The following SLC7A10 variants were observed in gnomAD, a reference collection of about 807,000 sequenced individuals.
The protein encoded by SLC7A10 is solute carrier family 7 member 10.
SLC7A10 carries 30 observed loss-of-function variants against 52.7 expected under a neutral mutation model. The observed-to-expected ratio is 0.57, with a 90% CI of 0.43 to 0.77. SLC7A10 has a LOEUF of 0.77. Among genes scored for constraint, SLC7A10 ranks in the 30% least tolerant of loss-of-function variants. The pLI, the probability that SLC7A10 is intolerant of heterozygous loss-of-function variation, is 0.00. For synonymous variants in SLC7A10, 318 were observed against 314.9 expected (o/e 1.01, Z -0.10); for missense variants, 581 against 698.5 (o/e 0.83, Z 1.90).
chr19:33,209,442 A>G lies in SLC7A10; in HGVS notation c.1307T>C (p.Phe436Ser), dbSNP rs1008287961. Residue 436 changes from phenylalanine to serine, a missense_variant, in exon 10 of 11, where the codon TTC becomes TCC. Physicochemically the swap from Phe to Ser is radical, Grantham distance 155 (BLOSUM62 -2). Transcript: ENST00000253188. ...IPVAYLVFWAFLLVFSFISEP... is the reference protein window; with the variant it reads ...IPVAYLVFWASLLVFSFISEP... The stretch of plus-strand genomic sequence containing the variant: ...TGAGATGAAGCTGAAGACCAGCAGG[A>G]AGGCCCAGAAGACCAAGTACGCCAC... 1.2e-6 allele frequency: 2 copies of G among 1,613,900 alleles called. No individual in the cohort carries two copies. Among genetic ancestry groups the G allele is most frequent in the Non-Finnish European group, 1.7e-6 (2 of 1,180,012 alleles).
At chr19:33,222,560 C>G (rs1051712456) in intron 1 of SLC7A10, among the ~76,000 whole-genome samples, 1 of 152,076 alleles carries the variant, frequency 6.6e-6, no homozygotes, top group African/African-American at 2.4e-5. Context: ...CCCCTTGGAG[C>G]AGTATCATTT....
rs1023424737 is a variant in SLC7A10 at position 33,217,344 on chromosome 19, G to C, written c.152-1371C>G. On this transcript the variant is annotated intron_variant, in intron 1 of 10. Transcript: ENST00000253188. ...TTTCTGACATGATGGGAAACATTCA[G>C]GGGGGCCAACTATGGTCTGTAGAGT... Among the ~76,000 whole-genome samples, 3 of 152,166 alleles carry C rather than the reference G, an allele frequency of 2.0e-5. No individual in the cohort carries two copies. The East Asian group carries it at 5.8e-4, about 29-fold the overall frequency.
chr19:33,216,346 C>T (rs1974683396), intron 1 of SLC7A10, among the ~76,000 whole-genome samples: 1 of 152,164 alleles, frequency 6.6e-6, no homozygotes, highest in South Asian at 2.1e-4. Context: ...TCCTCAGGCA[C>T]CCCACAAGGC....
Position 33,209,390 on chromosome 19 carries a change from G to A in SLC7A10, c.1359C>T (p.Val453=). The change falls in exon 10 of 11, where the codon GTC becomes GTT. Residue 453 remains valine, a synonymous_variant. Coordinates refer to ENST00000253188, the MANE Select transcript of SLC7A10 (RefSeq NM_019849.3). ...ISEPMVCGVG[V]IIILTGVPIF... ...TGGGCACCCCCGTAAGGATGATGAT[G>A]ACGCCGACCCCACAGACCATAGGCT... The A allele has an allele frequency of 6.2e-7, 1 of 1,614,110 alleles. No homozygotes were observed. Among genetic ancestry groups the A allele is most frequent in the Non-Finnish European group, 8.5e-7 (1 of 1,180,020 alleles).
At chr19:33,212,244 C>T (rs761112864) in intron 5 of SLC7A10, 48 bp downstream of exon 5, 2 of 1,564,532 alleles carry the variant, frequency 1.3e-6, no homozygotes, top group Non-Finnish European at 1.7e-6. Flanking sequence ...GCCTGTCCCA[C>T]CAGAGGGCCT....
At chr19:33,213,908 G>C (rs1216922969) in intron 2 of SLC7A10, among the ~76,000 whole-genome samples, 1 of 152,160 alleles carries the variant, frequency 6.6e-6, no homozygotes, top group African/African-American at 2.4e-5. Context: ...CTGCCCTTGG[G>C]GGTGGTCCTA....
At chr19:33,213,615 GC>G (rs1303168739) in intron 2 of SLC7A10, among the ~76,000 whole-genome samples, 2 of 152,142 alleles carry the variant, frequency 1.3e-5, no homozygotes, top group African/African-American at 4.8e-5. Flanking sequence ...TAACAACTAG[GC>G]CCCCCATTGG....
intron 7 of SLC7A10, 94 bp downstream of exon 7, chr19:33,211,126 CCCCCG>C: frequency 8.3e-7 from 1 of 1,202,028 alleles, no homozygotes; most frequent in Non-Finnish European, 1.2e-6. Flanking sequence ...GCAGACCCCT[CCCCCG>C]GCAGGTGTCC....
At chr19:33,213,151 G>A (rs1252675896) in intron 2 of SLC7A10, 149 bp from the exon 3 acceptor site, 27 of 979,446 alleles carry the variant, frequency 2.8e-5, no homozygotes, top group Non-Finnish European at 1.5e-6. Context: ...GGGAGGCAGG[G>A]TTGACCTTGT....
At chr19:33,217,885 C>G (rs1187923573) in intron 1 of SLC7A10, 1 of 152,146 alleles carries the variant, frequency 6.6e-6, no homozygotes, top group Non-Finnish European at 1.5e-5. Flanking sequence ...TGTGCCCCAG[C>G]CCCCAGAGGT....
intron 2 of SLC7A10, 126 bp downstream of exon 2, chr19:33,215,620 CTCTCCATCCACCCCCCACACCTT>C: frequency 3.9e-6 from 2 of 514,070 alleles, no homozygotes; most frequent in Non-Finnish European, 3.0e-6. Context: ...CCCACACCTT[CTCTCCATCCACCCCCCACACCTT>C]CTCTCCATCC....
At chr19:33,223,287 G>A (rs1458140873) in intron 1 of SLC7A10, among the ~76,000 whole-genome samples, 1 of 143,840 alleles carries the variant, frequency 7.0e-6, no homozygotes, top group Non-Finnish European at 1.5e-5. Context: ...CAGCCTAGGG[G>A]ACACAGCCAG....
intron 1 of SLC7A10, among the ~76,000 whole-genome samples, chr19:33,216,595 C>T (rs1974689435): frequency 2.0e-5 from 3 of 152,142 alleles, no homozygotes; most frequent in Admixed American, 6.5e-5. Context: ...ACTTCAATTT[C>T]CTTTCCTTTC....
chr19:33,216,000 C>G (rs1401788985), intron 1 of SLC7A10, 27 bp from the exon 2 acceptor site: 1 of 1,550,418 alleles, frequency 6.4e-7, no homozygotes, highest in Non-Finnish European at 8.8e-7. Flanking sequence ...GGGGAGGCAT[C>G]AGGCCTGGGG....
At chr19:33,223,945 A>ACCACCACCACCG (rs1300441322) in intron 1 of SLC7A10, among the ~76,000 whole-genome samples, 1 of 4,594 alleles carries the variant, frequency 2.2e-4, no homozygotes, top group Non-Finnish European at 1.6e-3. Context: ...CTCTACCATC[A>ACCACCACCACCG]CCACCACCAC....
At chr19:33,218,165 G>A (rs1192396511) in intron 1 of SLC7A10, among the ~76,000 whole-genome samples, 1 of 152,160 alleles carries the variant, frequency 6.6e-6, no homozygotes, top group East Asian at 1.9e-4. Context: ...CCACCCTGCA[G>A]AGAGCCCACC....
At chr19:33,215,335 C>T (rs1220679361) in intron 2 of SLC7A10, among the ~76,000 whole-genome samples, 1 of 151,828 alleles carries the variant, frequency 6.6e-6, no homozygotes, top group African/African-American at 2.4e-5. Context: ...TCCTTCCTTG[C>T]TCCTCATGCA....
chr19:33,217,636 C>T (rs574822976), intron 1 of SLC7A10, among the ~76,000 whole-genome samples: 4 of 152,342 alleles, frequency 2.6e-5, no homozygotes, highest in South Asian at 2.1e-4. Context: ...CCTGAGAGGA[C>T]GGGTCCATCT....
rs1219487909 is a variant in SLC7A10 at position 33,211,397 on chromosome 19, A to G, written c.912+17T>C. 6.2e-7 allele frequency: 1 copy of G among 1,613,722 alleles called. No homozygotes were observed. The highest frequency in any genetic ancestry group is 1.1e-5 in the South Asian group (1 of 91,062). Reference sequence around the variant, plus strand: ...GGGCCTGGGCAGGAGCCAGGGACCGAGCAGGGGCCCACTCACCACAGCCAC... The same window carrying G: ...GGGCCTGGGCAGGAGCCAGGGACCGGGCAGGGGCCCACTCACCACAGCCAC... On this transcript the variant is annotated intron_variant, in intron 6 of 10. Transcript: ENST00000253188.
Sources: gnomAD v4.1 joint callset for allele counts (sites outside exome capture counted in the v4.1 genomes callset) on GRCh38, gnomAD v4.1.1 for gene constraint, MANE v1.5 for transcripts, NCBI Gene and HGNC (gene_info 2026-07-23, HGNC 2026-07-21) for gene names.